The following BCAS4 variants were observed in gnomAD, a reference collection of about 807,000 sequenced individuals.
The protein encoded by BCAS4 is breast carcinoma-amplified sequence 4.
Under a neutral mutation model 15.7 loss-of-function variants are expected in BCAS4, and 9 were observed. That is an observed-to-expected ratio of 0.57 (90% CI 0.34 to 1.00). The LOEUF is 1.00. Among genes scored for constraint, BCAS4 ranks in the 50% least tolerant of loss-of-function variants. BCAS4 has a pLI of 0.02. For synonymous variants in BCAS4, 101 were observed against 99.5 expected, an observed-to-expected ratio of 1.02 and a Z score of -0.09; for missense variants, 225 against 239.1, an observed-to-expected ratio of 0.94 and a Z score of 0.39.
chr20:50,797,060 A>T (rs2087874570), intron 1 of BCAS4, among the ~76,000 whole-genome samples: 1 of 151,684 alleles, frequency 6.6e-6, no homozygotes, highest in South Asian at 2.1e-4. Flanking sequence ...CGGGTCTTGA[A>T]TTCCTGGGCC....
rs1049054369 is a variant in BCAS4, at chr20:50,851,237, C to T, written c.399+9337C>T. Reference sequence around the variant, plus strand: ...TCTCCCGGCCCTGAACCAGCCACTGCTTCTCCTGCTGCCCCCATCAGCCCT... The same window carrying T: ...TCTCCCGGCCCTGAACCAGCCACTGTTTCTCCTGCTGCCCCCATCAGCCCT... On this transcript the variant is annotated intron_variant, in intron 4 of 4. Transcript: ENST00000371608. This position sits in a 1 kb window ranked among gnomAD's most constrained non-coding sequence, Gnocchi z 4.3. Among the ~76,000 whole-genome samples, 4 of 152,224 alleles carry T rather than the reference C, an allele frequency of 2.6e-5. No homozygotes were observed. Among genetic ancestry groups the T allele is most frequent in the African/African-American group, 4.8e-5 (2 of 41,446 alleles).
At chr20:50,811,167 A>G (rs78081095) in intron 1 of BCAS4, among the ~76,000 whole-genome samples, 2 of 152,006 alleles carry the variant, frequency 1.3e-5, no homozygotes, top group African/African-American at 4.8e-5. Context: ...GGAGGCCCCC[A>G]TTAGGTGTTT....
At chr20:50,840,890 C>T (rs1371962238) in intron 3 of BCAS4, 19 of 692,992 alleles carry the variant, frequency 2.7e-5, no homozygotes, top group African/African-American at 5.4e-5. Context: ...ACTGCAATGG[C>T]GCGATCTCAG....
At chr20:50,840,554 A>T (rs752312369) in intron 3 of BCAS4, 3 of 1,507,798 alleles carry the variant, frequency 2.0e-6, no homozygotes, top group Non-Finnish European at 2.8e-6. Context: ...CAGCTAAAAG[A>T]AGTAAAATAA....
chr20:50,858,927 A>G (rs975079153), intron 4 of BCAS4, among the ~76,000 whole-genome samples: 1 of 142,898 alleles, frequency 7.0e-6, no homozygotes. Flanking sequence ...GGCTCTTGCT[A>G]TTATTATTAT....
chr20:50,868,731 A>G (rs1979483077), intron 4 of BCAS4, among the ~76,000 whole-genome samples: 1 of 152,100 alleles, frequency 6.6e-6, no homozygotes, highest in Non-Finnish European at 1.5e-5. Flanking sequence ...CTTTCATTTC[A>G]TTATCTAAAT....
intron 1 of BCAS4, among the ~76,000 whole-genome samples, chr20:50,796,472 TATATA>T (rs2087860579): frequency 7.7e-5 from 1 of 12,926 alleles, no homozygotes; most frequent in African/African-American, 3.1e-4. Flanking sequence ...TATATATATA[TATATA>T]TATATATATA....
chr20:50,875,653 C>T (rs988262728), intron 4 of BCAS4, among the ~76,000 whole-genome samples: 1 of 150,820 alleles, frequency 6.6e-6, no homozygotes, highest in South Asian at 2.1e-4. Context: ...TGGTGGTGCA[C>T]GCCTATAATC....
intron 1 of BCAS4, among the ~76,000 whole-genome samples, chr20:50,812,299 A>AT (rs1038583586): frequency 6.6e-6 from 1 of 151,502 alleles, no homozygotes; most frequent in Admixed American, 6.6e-5. Flanking sequence ...CGCCCGGCTA[A>AT]TTTTTTGTAT....
intron 4 of BCAS4, among the ~76,000 whole-genome samples, chr20:50,844,631 A>G (rs1194511676): frequency 1.3e-5 from 2 of 152,118 alleles, no homozygotes; most frequent in African/African-American, 4.8e-5. Flanking sequence ...ACAGAGGCAG[A>G]GACTGAGGCT....
intron 1 of BCAS4, among the ~76,000 whole-genome samples, chr20:50,806,768 T>C (rs919709482): frequency 6.6e-6 from 1 of 151,718 alleles, no homozygotes; most frequent in African/African-American, 2.4e-5. Flanking sequence ...GATGTTTTGA[T>C]ACAGGCATGC....
At position 50,858,925 on chromosome 20, in the gene BCAS4, CTAT is replaced by C. The variant is rs56152037; in HGVS notation, c.399+17045_399+17047del. Reference sequence around the variant, plus strand: ...TATTTTTTGTAGAGACAGGCTCTTGCTATTATTATTATTATTATTATTGTGTGA... The same window carrying C: ...TATTTTTTGTAGAGACAGGCTCTTGCTATTATTATTATTATTATTGTGTGA... On this transcript the variant is annotated intron_variant, in intron 4 of 4. Coordinates refer to ENST00000371608, the MANE Select transcript of BCAS4 (RefSeq NM_198799.4). Among the ~76,000 whole-genome samples, 334 of 144,570 alleles carry C rather than the reference CTAT, an allele frequency of 2.3e-3. 4 individuals are homozygous for C. Among genetic ancestry groups the C allele is most frequent in the Non-Finnish European group, 2.8e-3 (188 of 66,234 alleles). 94.8% of individuals were successfully genotyped at this position (144,570 alleles called of 152,430 possible). A position where few individuals can be genotyped will look rare whatever the true frequency, so the allele number is the denominator to read the frequency against.
intron 4 of BCAS4, among the ~76,000 whole-genome samples, chr20:50,855,087 G>A (rs1347241083): frequency 6.6e-6 from 1 of 152,196 alleles, no homozygotes; most frequent in Non-Finnish European, 1.5e-5. Flanking sequence ...CGCCAGGGGT[G>A]TCTTGGGTCC....
At chr20:50,869,965 T>C (rs1979552654) in intron 4 of BCAS4, among the ~76,000 whole-genome samples, 1 of 152,080 alleles carries the variant, frequency 6.6e-6, no homozygotes, top group Admixed American at 6.6e-5. Context: ...GCCAGGCTGG[T>C]CTCGAACTCC....
chr20:50,830,490 AG>A, intron 3 of BCAS4, 110 bp downstream of exon 3: 2 of 820,438 alleles, frequency 2.4e-6, no homozygotes. Context: ...TGCCCAATGC[AG>A]GGGGTTGGTG....
intron 1 of BCAS4, 46 bp from the exon 2 acceptor site, chr20:50,818,165 C>T (rs911668232): frequency 2.5e-6 from 4 of 1,574,746 alleles, no homozygotes; most frequent in African/African-American, 2.7e-5. Flanking sequence ...GTGTTTGTCT[C>T]CCTGGAAACC....
intron 4 of BCAS4, among the ~76,000 whole-genome samples, chr20:50,849,039 G>A (rs932790572): frequency 2.6e-5 from 4 of 152,198 alleles, no homozygotes; most frequent in Non-Finnish European, 5.9e-5. Context: ...TGCGGACCTC[G>A]GAAGTGCACA....
At chr20:50,820,274 G>A (rs972869181) in intron 2 of BCAS4, among the ~76,000 whole-genome samples, 5 of 152,188 alleles carry the variant, frequency 3.3e-5, no homozygotes, top group African/African-American at 4.8e-5. Context: ...AGTTGGTGCC[G>A]TCCCATGCTA....
Position 50,851,347 on chromosome 20 carries a change from C to T in BCAS4, c.399+9447C>T, listed in dbSNP as rs1600887514. Among the ~76,000 whole-genome samples, 13 of 152,276 alleles carry T rather than the reference C, an allele frequency of 8.5e-5. No individual in the cohort carries two copies. In the South Asian group the frequency reaches 2.7e-3, roughly 32 times the overall value. On this transcript the variant is annotated intron_variant, in intron 4 of 4. Coordinates refer to ENST00000371608, the MANE Select transcript of BCAS4 (RefSeq NM_198799.4). This position sits in a 1 kb window ranked among gnomAD's most constrained non-coding sequence, Gnocchi z 4.3. ...GAGGGGTGCCGGGTCCCAGCCCCCA[C>T]CTACCAGCCCCCTCCCCACGGCTCC... is the stretch of plus-strand genomic sequence containing the variant.
Sources: gnomAD v4.1 joint callset for allele counts (sites outside exome capture counted in the v4.1 genomes callset) on GRCh38, gnomAD v4.1.1 for gene constraint, Gnocchi (gnomAD v3.1) non-coding constraint, MANE v1.5 for transcripts, NCBI Gene and HGNC (gene_info 2026-07-23, HGNC 2026-07-21) for gene names.